AXDND1: variants seen among roughly 807,000 people sequenced by gnomAD.
The protein encoded by AXDND1 is axonemal dynein light chain domain containing 1, also known as axonemal dynein light chain domain-containing protein 1.
AXDND1 carries 110 observed loss-of-function variants against 137.5 expected under a neutral mutation model. That is an observed-to-expected ratio of 0.80 (90% confidence interval 0.69 to 0.94). The LOEUF is 0.94. Among genes scored for constraint, AXDND1 ranks in the 40% least tolerant of loss-of-function variants. The pLI, the probability that AXDND1 is intolerant of heterozygous loss-of-function variation, is 0.00. For synonymous variants in AXDND1, 414 were observed against 399.7 expected (o/e 1.04, Z -0.43); for missense variants, 1,191 against 1,169.8 (o/e 1.02, Z -0.26).
intron 4 of AXDND1, among the ~76,000 whole-genome samples, chr1:179,375,016 T>G (rs1477893875): frequency 6.6e-6 from 1 of 151,734 alleles, no homozygotes; most frequent in African/African-American, 2.4e-5. Flanking sequence ...TTTTTAAAAA[T>G]TAAAAAAATA....
At chr1:179,402,436 C>T (rs1652241380) in intron 11 of AXDND1, among the ~76,000 whole-genome samples, 2 of 152,116 alleles carry the variant, frequency 1.3e-5, no homozygotes, top group Non-Finnish European at 2.9e-5. Context: ...GCTGTCACCC[C>T]CACATCTATC....
chr1:179,401,837 C>T (rs774764507), intron 11 of AXDND1, among the ~76,000 whole-genome samples: 15 of 152,010 alleles, frequency 9.9e-5, no homozygotes, highest in Admixed American at 2.6e-4. Context: ...TCCCCAGCCA[C>T]GTGGAACTGT....
chr1:179,495,912 T>TG (rs1175515253), intron 20 of AXDND1, among the ~76,000 whole-genome samples: 2 of 151,228 alleles, frequency 1.3e-5, no homozygotes, highest in Non-Finnish European at 3.0e-5. Context: ...TTTTTTTTTT[T>TG]TTAGTCAGTA....
At chr1:179,405,095 CTGATG>C (rs1431792911) in intron 11 of AXDND1, among the ~76,000 whole-genome samples, 1 of 151,962 alleles carries the variant, frequency 6.6e-6, no homozygotes, top group African/African-American at 2.4e-5. Context: ...CCCAACAGGC[CTGATG>C]TGTGATGTTC....
intron 12 of AXDND1, 28 bp downstream of exon 12, chr1:179,411,294 A>C (rs1417477530): frequency 6.3e-7 from 1 of 1,597,062 alleles, no homozygotes. Flanking sequence ...CACAACTCAC[A>C]CTTCTTTTTT....
At chr1:179,469,023 G>A (rs1291910208) in intron 17 of AXDND1, among the ~76,000 whole-genome samples, 2 of 151,730 alleles carry the variant, frequency 1.3e-5, no homozygotes, top group African/African-American at 2.4e-5. Context: ...TCTACCTCCC[G>A]GGTTCAAGTG....
intron 12 of AXDND1, among the ~76,000 whole-genome samples, chr1:179,427,124 A>T (rs1049057019): frequency 1.4e-4 from 22 of 152,332 alleles, no homozygotes; most frequent in African/African-American, 5.3e-4. Flanking sequence ...AAATCATGCC[A>T]CTGCACTCCA....
chr1:179,471,362 T>C (rs1663910820), intron 17 of AXDND1, among the ~76,000 whole-genome samples: 1 of 152,202 alleles, frequency 6.6e-6, no homozygotes, highest in Admixed American at 6.5e-5. Flanking sequence ...GGTAGGTTTT[T>C]GAGAATTGAT....
At chr1:179,430,693 C>T (rs1414935260) in intron 14 of AXDND1, 87 bp downstream of exon 14, 2 of 1,391,582 alleles carry the variant, frequency 1.4e-6, no homozygotes, top group Non-Finnish European at 2.0e-6. Flanking sequence ...CTGTCTTTTA[C>T]CTTGTAATCA....
intron 9 of AXDND1, among the ~76,000 whole-genome samples, chr1:179,388,793 G>A (rs191001845): frequency 2.7e-5 from 4 of 147,276 alleles, no homozygotes; most frequent in East Asian, 2.0e-4. Context: ...GACAGGGTTC[G>A]CCATATTGGC....
Position 179,554,552 on chromosome 1 carries a change from A to C in AXDND1, c.*33A>C. The C allele has an allele frequency of 3.1e-6, 5 of 1,614,154 alleles. No individual in the cohort carries two copies. Among genetic ancestry groups the C allele is most frequent in the Non-Finnish European group, 4.2e-6 (5 of 1,180,000 alleles). On this transcript the variant is annotated 3_prime_UTR_variant, in exon 26 of 26. Coordinates refer to ENST00000367618, the MANE Select transcript of AXDND1 (RefSeq NM_144696.6). ...GCAACCTGTGGAAAGAAGAATTCAGATGTCAGTGGGAGCCTCCAGGTGGGA... is the reference window on the plus strand; with the variant it reads ...GCAACCTGTGGAAAGAAGAATTCAGCTGTCAGTGGGAGCCTCCAGGTGGGA...
chr1:179,442,537 C>G (rs951009906), intron 15 of AXDND1, among the ~76,000 whole-genome samples: 1 of 152,168 alleles, frequency 6.6e-6, no homozygotes, highest in Admixed American at 6.6e-5. Flanking sequence ...TGAGAACTAA[C>G]CTGAGGACCA....
intron 18 of AXDND1, among the ~76,000 whole-genome samples, chr1:179,487,801 A>G (rs1389051876): frequency 6.8e-6 from 1 of 148,006 alleles, no homozygotes; most frequent in Non-Finnish European, 1.5e-5. Flanking sequence ...TTTAAGACCA[A>G]CCTGGTCAAC....
intron 20 of AXDND1, among the ~76,000 whole-genome samples, chr1:179,498,606 T>C (rs1667690446): frequency 2.0e-5 from 3 of 152,014 alleles, no homozygotes; most frequent in Admixed American, 2.0e-4. Context: ...AAAGAACATC[T>C]GCACAGAAAG....
chr1:179,372,908 C>T (rs1462208476), intron 4 of AXDND1, among the ~76,000 whole-genome samples: 1 of 152,148 alleles, frequency 6.6e-6, no homozygotes, highest in Non-Finnish European at 1.5e-5. Context: ...GTCTCAAACT[C>T]CTGACCTCAG....
chr1:179,420,916 C>A (rs1655582064), intron 12 of AXDND1, among the ~76,000 whole-genome samples: 1 of 152,100 alleles, frequency 6.6e-6, no homozygotes, highest in Non-Finnish European at 1.5e-5. Context: ...CTACCATGTC[C>A]AGCCCTAGGT....
chr1:179,449,098 C>T (rs1052662380), intron 16 of AXDND1: 6 of 450,688 alleles, frequency 1.3e-5, no homozygotes, highest in African/African-American at 1.0e-4. Flanking sequence ...GTTGCACAGG[C>T]TGGTCTCAAA....
At chr1:179,389,839 T>A (rs1362421702) in intron 9 of AXDND1, among the ~76,000 whole-genome samples, 1 of 152,166 alleles carries the variant, frequency 6.6e-6, no homozygotes, top group Non-Finnish European at 1.5e-5. Context: ...TGATGTTTTT[T>A]AAATTGATAT....
intron 12 of AXDND1, 56 bp downstream of exon 12, chr1:179,411,322 A>G: frequency 1.9e-6 from 3 of 1,567,798 alleles, no homozygotes; most frequent in East Asian, 2.3e-5. Context: ...GATTCATTCT[A>G]CAGTTTTAAA....
Sources: allele counts gnomAD v4.1 joint callset (sites outside exome capture counted in the v4.1 genomes callset), GRCh38; gene constraint gnomAD v4.1.1; transcripts MANE v1.5; gene names NCBI Gene and HGNC (gene_info 2026-07-23, HGNC 2026-07-21).